DDX60: variants seen among roughly 807,000 people sequenced by gnomAD.
DDX60 encodes the protein probable ATP-dependent RNA helicase DDX60.
A neutral mutation model predicts 212.8 loss-of-function variants in DDX60; 165 were observed. The ratio of observed to expected loss-of-function variants is 0.78; its 90% confidence interval spans 0.68 to 0.88. DDX60 has a LOEUF of 0.88. DDX60 is among the 40% of genes least tolerant of loss of function. The pLI is 0.00. For synonymous variants in DDX60, 703 were observed against 685.3 expected (o/e 1.03, Z -0.40); for missense variants, 1,905 against 2,003.9 (o/e 0.95, Z 0.94).
intron 5 of DDX60, among the ~76,000 whole-genome samples, chr4:168,305,154 C>G (rs986770834): frequency 2.0e-5 from 3 of 152,292 alleles, no homozygotes; most frequent in African/African-American, 4.8e-5. Flanking sequence ...AGCCTAGGAA[C>G]AGTAGGCTAC....
At chr4:168,306,920 G>T (rs1425607680) in intron 4 of DDX60, among the ~76,000 whole-genome samples, 200 bp from the exon 5 acceptor site, 1 of 152,186 alleles carries the variant, frequency 6.6e-6, no homozygotes, top group Non-Finnish European at 1.5e-5. Flanking sequence ...TTAAATGCAT[G>T]TGTCTCCTTT....
chr4:168,281,196 G>A (rs941471435), intron 13 of DDX60, among the ~76,000 whole-genome samples: 4 of 152,086 alleles, frequency 2.6e-5, no homozygotes, highest in Admixed American at 6.6e-5. Flanking sequence ...ACAACAGACT[G>A]CCTCTCTTTT....
chr4:168,282,258 C>A (rs1364435324), intron 13 of DDX60, among the ~76,000 whole-genome samples: 3 of 152,066 alleles, frequency 2.0e-5, no homozygotes, highest in East Asian at 1.9e-4. Flanking sequence ...ATGTGAGAAC[C>A]TTTTAGAGTA....
intron 19 of DDX60, among the ~76,000 whole-genome samples, chr4:168,269,826 C>G (rs1314176666): frequency 1.3e-5 from 2 of 152,050 alleles, no homozygotes; most frequent in African/African-American, 4.8e-5. Flanking sequence ...TTGAACTCAC[C>G]CTTTCTACCC....
At chr4:168,239,373 G>GATA (rs1263362860) in intron 30 of DDX60, among the ~76,000 whole-genome samples, 1 of 134,572 alleles carries the variant, frequency 7.4e-6, no homozygotes, top group Non-Finnish European at 1.6e-5. Flanking sequence ...GATGATAGAA[G>GATA]GAAGATAGAT....
chr4:168,274,709 G>A (rs1306997525), intron 16 of DDX60, among the ~76,000 whole-genome samples: 1 of 152,122 alleles, frequency 6.6e-6, no homozygotes, highest in East Asian at 1.9e-4. Context: ...CAAGGAACCG[G>A]TCTTCCTATT....
At chr4:168,287,333 C>T (rs1390830587) in intron 9 of DDX60, 130 bp from the exon 10 acceptor site, 1 of 754,974 alleles carries the variant, frequency 1.3e-6, no homozygotes, top group South Asian at 1.7e-5. Flanking sequence ...TAGTGAGTTC[C>T]ACACTGGACA....
upstream of DDX60, among the ~76,000 whole-genome samples, chr4:168,322,157 C>T (rs1447602016): frequency 6.6e-6 from 1 of 152,192 alleles, no homozygotes; most frequent in Non-Finnish European, 1.5e-5. Flanking sequence ...GATTTACTTG[C>T]CTCTGTTCAG....
chr4:168,297,382 G>GAGAGAGAGAGAGAAAGAA (rs1560870698), intron 6 of DDX60, among the ~76,000 whole-genome samples: 3 of 39,918 alleles, frequency 7.5e-5, no homozygotes, highest in African/African-American at 2.7e-4. Context: ...AAGAAAGAAA[G>GAGAGAGAGAGAGAAAGAA]AGAAAGAAAG....
intron 3 of DDX60, among the ~76,000 whole-genome samples, chr4:168,309,598 A>G (rs1430813431): frequency 1.3e-5 from 2 of 152,274 alleles, no homozygotes; most frequent in East Asian, 3.9e-4. Flanking sequence ...TGATTCAAGA[A>G]AAAGCAAAGT....
chr4:168,250,029 C>G (rs1734158764), intron 28 of DDX60, among the ~76,000 whole-genome samples: 1 of 152,112 alleles, frequency 6.6e-6, no homozygotes, highest in South Asian at 2.1e-4. Flanking sequence ...TCCAAATTTA[C>G]AAGCAAACCA....
At position 168,283,466 on chromosome 4, in the gene DDX60, G is replaced by C. The variant is rs1408603169; in HGVS notation, c.1702C>G (p.Pro568Ala). 1.2e-6 allele frequency: 2 copies of C among 1,612,606 alleles called. No homozygotes were observed. The highest frequency in any genetic ancestry group is 2.7e-5 in the African/African-American group (2 of 74,792). ...CCTACGTGTGCCTTTTTGCTCTTGG[G>C]CCCACTAAAATCCTTCTTTGACTTA... ...TIKSKKDFSG[P>A]KSKKAHETKA... The change falls in exon 13 of 38, where the codon CCC (proline) becomes GCC (alanine). Residue 568 changes from proline (P) to alanine (A), a missense_variant. Coordinates refer to ENST00000393743, the MANE Select transcript of DDX60 (RefSeq NM_017631.6).
intron 8 of DDX60, among the ~76,000 whole-genome samples, chr4:168,288,901 T>C (rs570326739): frequency 3.9e-4 from 59 of 152,320 alleles, no homozygotes; most frequent in Non-Finnish European, 7.9e-4. Flanking sequence ...TCTTTTATTT[T>C]GAAAATATTA....
chr4:168,275,741 A>G (rs895032684), intron 15 of DDX60, among the ~76,000 whole-genome samples: 1 of 152,164 alleles, frequency 6.6e-6, no homozygotes, highest in African/African-American at 2.4e-5. Flanking sequence ...GAATAATCAC[A>G]CTAGTTTTGA....
At chr4:168,250,698 G>A (rs146116823) in intron 28 of DDX60, among the ~76,000 whole-genome samples, 8,793 of 43,836 alleles carry the variant, frequency 0.2, 447 homozygotes, top group Admixed American at 0.39. Context: ...GCTAATTTTT[G>A]TATTTTTAGT....
chr4:168,268,694 G>A (rs114879853), intron 20 of DDX60, among the ~76,000 whole-genome samples, 160 bp downstream of exon 20: 2,309 of 152,002 alleles, frequency 0.015, 31 homozygotes, highest in Non-Finnish European at 0.026. Flanking sequence ...CCTCAACTAC[G>A]GCCAGGAGGT....
At chr4:168,255,612 T>C in intron 26 of DDX60, 99 bp downstream of exon 26, 6 of 1,084,618 alleles carry the variant, frequency 5.5e-6, no homozygotes, top group Non-Finnish European at 7.7e-6. Flanking sequence ...AAGCGACAAC[T>C]AGAACTTATT....
rs1736687407 is a variant in DDX60, at chr4:168,302,461, T to C, written c.607-45A>G. ...CAGAAAAGTTGTTATAAATAAAATA[T>C]GTAATTATTTTCCAACTATAGAAAA... On this transcript the variant is annotated intron_variant, in intron 5 of 37. Transcript: ENST00000393743. 3 of 833,566 alleles carry C rather than the reference T, an allele frequency of 3.6e-6. 1 individual carries two copies. In the South Asian group the frequency reaches 8.1e-5, roughly 22 times the overall value. The allele number at this position is 833,566 out of a possible 1,614,324, so 51.6% of individuals were successfully genotyped here. A position where few individuals can be genotyped will look rare whatever the true frequency, so the allele number is the denominator to read the frequency against.
At position 168,260,423 on chromosome 4, in the gene DDX60, C is replaced by G. The variant is rs1671317; in HGVS notation, c.3398+442G>C. On this transcript the variant is annotated intron_variant, in intron 25 of 37. Coordinates refer to ENST00000393743, the MANE Select transcript of DDX60 (RefSeq NM_017631.6). ...GGGTCCCAGAAATAGTAATGAACAC[C>G]GCACTACGATAGGGAACTTTGTATA... Among the ~76,000 whole-genome samples the G allele has an allele frequency of 3.9e-5, 6 of 151,962 alleles. No homozygotes were observed. The Middle Eastern group carries it at 0.01, about 258-fold the overall frequency.
Sources: allele counts gnomAD v4.1 joint callset (sites outside exome capture counted in the v4.1 genomes callset), GRCh38; gene constraint gnomAD v4.1.1; transcripts MANE v1.5; gene names NCBI Gene and HGNC (gene_info 2026-07-23, HGNC 2026-07-21).